The following MYH3 variants were observed in gnomAD, a reference collection of about 807,000 sequenced individuals.
The protein encoded by MYH3 is myosin heavy chain 3, also known as myosin-3.
In MYH3, 130 loss-of-function variants were observed where a neutral mutation model predicts 238.0. The observed-to-expected ratio is 0.55, with a 90% CI of 0.47 to 0.63. The LOEUF (loss-of-function observed/expected upper bound fraction) is 0.63. Ranked by LOEUF, MYH3 falls within the 30% of genes least tolerant of loss-of-function variation. The pLI is 0.00. For missense variants in MYH3, 1,853 were observed against 2,374.9 expected (o/e 0.78, Z 4.57); for synonymous variants, 880 against 924.1 (o/e 0.95, Z 0.86).
chr17:10,670,716 T>C, the MYH3 span, among the ~76,000 whole-genome samples: 1 of 108,134 alleles, frequency 9.2e-6, no homozygotes, highest in Non-Finnish European at 2.3e-5. This position sits in a 1 kb window ranked among gnomAD's most constrained non-coding sequence, Gnocchi z 7.0. Flanking sequence ...CTGTTAAGGT[T>C]TGGGTATTTT....
At chr17:10,671,601 CAG>C in the MYH3 span, among the ~76,000 whole-genome samples, 1 of 109,426 alleles carries the variant, frequency 9.1e-6, no homozygotes, top group African/African-American at 3.6e-5. Context: ...TTTTTTGAGA[CAG>C]AGTCTAGCTC....
Position 10,635,560 on chromosome 17 carries a change from T to G in MYH3, c.3979A>C (p.Lys1327Gln), listed in dbSNP as rs201970799. 3 of 1,614,246 alleles carry G rather than the reference T, an allele frequency of 1.9e-6. No individual in the cohort carries two copies. The highest frequency in any genetic ancestry group is 2.5e-6 in the Non-Finnish European group (3 of 1,180,048). The change falls in exon 30 of 41, where the codon AAG becomes CAG. Residue 1327 changes from lysine (K) to glutamine (Q), a missense_variant. Around this residue, in one of 3 missense-constraint regions of MYH3, gnomAD observed 1,044 missense variants for 1,192.6 expected, o/e 0.88. Coordinates refer to ENST00000583535, the MANE Select transcript of MYH3 (RefSeq NM_002470.4). ...TGCAGGGCGTGCGCCAGGGCGTTCT[T>G]GGCCTGCAGAAGTTAAAAAGAGAAG... ...KRQLEEENKA[K>Q]NALAHALQSS...
chr17:10,659,426 A>C (rs774537177), upstream of MYH3, among the ~76,000 whole-genome samples: 1 of 152,208 alleles, frequency 6.6e-6, no homozygotes, highest in Non-Finnish European at 1.5e-5. Context: ...ACAGACTCCT[A>C]GAGTGTTCAG....
Position 10,631,750 on chromosome 17 carries a change from A to G in MYH3, c.5161-14T>C. 1 of 1,614,026 alleles carries G rather than the reference A, an allele frequency of 6.2e-7. No individual in the cohort carries two copies. The highest frequency in any genetic ancestry group is 8.5e-7 in the Non-Finnish European group (1 of 1,180,000). On this transcript the variant is annotated splice_polypyrimidine_tract_variant and intron_variant, in intron 35 of 40. Transcript: ENST00000583535. ...GAGGCTGGTGTTCTAGGGCAAGAGGAGGGCTGTTAACCAGGTGCGTATGAG... is the reference window on the plus strand; with the variant it reads ...GAGGCTGGTGTTCTAGGGCAAGAGGGGGGCTGTTAACCAGGTGCGTATGAG...
At chr17:10,657,645 G>T (rs757952298), upstream of MYH3, among the ~76,000 whole-genome samples, 1 of 152,168 alleles carries the variant, frequency 6.6e-6, no homozygotes, top group East Asian at 1.9e-4. Context: ...TGAACGCGGC[G>T]TGAGCCCCTA....
chr17:10,643,565 G>A (rs1009948493), intron 14 of MYH3, among the ~76,000 whole-genome samples: 2 of 151,860 alleles, frequency 1.3e-5, no homozygotes, highest in Non-Finnish European at 2.9e-5. Flanking sequence ...TAGTAGAGAC[G>A]GGGTTTCACC....
At position 10,655,091 on chromosome 17, in the gene MYH3, C is replaced by G. The variant is rs369655115; in HGVS notation, c.-8-19G>C. The G allele has an allele frequency of 1.1e-5, 17 of 1,607,086 alleles. No individual in the cohort carries two copies. In the South Asian group the frequency reaches 1.9e-4, roughly 18 times the overall value. On this transcript the variant is annotated intron_variant, in intron 2 of 40. Transcript: ENST00000583535. Reference sequence around the variant, plus strand: ...GTGTCAGCTGGAAGGCAAACCCACCCGGTGAGCTCAGCAGCCCCCTTGCCA... The same window carrying G: ...GTGTCAGCTGGAAGGCAAACCCACCGGGTGAGCTCAGCAGCCCCCTTGCCA...
chr17:10,673,889 C>T, the MYH3 span: 1 of 152,128 alleles, frequency 6.6e-6, no homozygotes. Flanking sequence ...AAAAGTGGGG[C>T]AATTAAATAA....
At position 10,633,632 on chromosome 17, in the gene MYH3, G is replaced by A. The variant is rs774513052; in HGVS notation, c.4606C>T (p.Leu1536=). ...GCCAGCTGGATATCAGCCTTTTCCA[G>A]CTCAATCTGCTTTCTTGATTTCTCC... ...ELEKSRKQIE[L]EKADIQLALE... Residue 1536 remains leucine (L), a synonymous_variant, in exon 33 of 41, where the codon CTG becomes TTG. Coordinates refer to ENST00000583535, the MANE Select transcript of MYH3 (RefSeq NM_002470.4). The A allele has an allele frequency of 1.2e-6, 2 of 1,613,814 alleles. No homozygotes were observed. Among genetic ancestry groups the A allele is most frequent in the East Asian group, 2.2e-5 (1 of 44,884 alleles).
At chr17:10,633,800 C>T in intron 32 of MYH3, 85 bp from the exon 33 acceptor site, 1 of 1,574,622 alleles carries the variant, frequency 6.4e-7, no homozygotes, top group South Asian at 1.1e-5. Flanking sequence ...TGCTTTTTAC[C>T]TGGTTTATTA....
At position 10,651,607 on chromosome 17, in the gene MYH3, G is replaced by A; in HGVS notation, c.410C>T (p.Pro137Leu). ...GCCTCGGTAGCCTTCCACCACCTCG[G>A]GGTTGTACACCGGCAGCCACTTGTA... ...NPYKWLPVYN[P>L]EVVEGYRGKK... Residue 137 changes from proline (P) to leucine (L), a missense_variant, in exon 5 of 41, where the codon CCC (proline) becomes CTC (leucine). Coordinates refer to ENST00000583535, the MANE Select transcript of MYH3 (RefSeq NM_002470.4). 6.2e-7 allele frequency: 1 copy of A among 1,614,132 alleles called. No individual in the cohort carries two copies. Among genetic ancestry groups the A allele is most frequent in the Non-Finnish European group, 8.5e-7 (1 of 1,180,008 alleles).
rs199942147 is a variant in MYH3, at chr17:10,631,810, C to T, written c.5160+3G>A. 176 of 1,614,044 alleles carry T rather than the reference C, an allele frequency of 1.1e-4. No individual in the cohort carries two copies. Among genetic ancestry groups the T allele is most frequent in the Non-Finnish European group, 8.4e-5 (99 of 1,180,038 alleles). ...TCGCCTCTCTTCCTCTCCCTCCCCT[C>T]ACCTGGGTATGCAGCAGCTGCACCC... On this transcript the variant is annotated splice_donor_region_variant and intron_variant, in intron 35 of 40. Coordinates refer to ENST00000583535, the MANE Select transcript of MYH3 (RefSeq NM_002470.4).
At chr17:10,636,872 C>A (rs1272358054) in intron 28 of MYH3, among the ~76,000 whole-genome samples, 2 of 150,950 alleles carry the variant, frequency 1.3e-5, no homozygotes, top group Non-Finnish European at 3.0e-5. Flanking sequence ...CGAGATCACA[C>A]AATTGCACTC....
intron 17 of MYH3, among the ~76,000 whole-genome samples, chr17:10,641,901 C>T (rs1024679749): frequency 3.9e-5 from 6 of 152,116 alleles, no homozygotes; most frequent in African/African-American, 1.4e-4. Context: ...GCCAGAGGCT[C>T]GCCAAGTACA....
chr17:10,640,979 T>C, intron 19 of MYH3, 106 bp downstream of exon 19: 1 of 984,032 alleles, frequency 1.0e-6, no homozygotes, highest in Non-Finnish European at 1.7e-6. Context: ...TGGAGGTCCA[T>C]ATCTGTTCTT....
chr17:10,635,755 G>A lies in MYH3; in HGVS notation c.3955C>T (p.Gln1319Ter). Residue 1319 changes from glutamine to a stop codon, truncating the protein, a stop_gained, in exon 29 of 41, where the codon CAG becomes TAG. Coordinates refer to ENST00000583535, the MANE Select transcript of MYH3 (RefSeq NM_002470.4). LOFTEE classifies it high-confidence loss of function. Reference protein sequence around the residue: ...FTQQTEELKRQLEEENKAKNA... With the variant: ...FTQQTEELKR ...TGTACCTTGTTCTCTTCCTCCAGCT[G>A]CCTCTTGAGCTCTTCTGTTTGCTGG... 6.2e-7 allele frequency: 1 copy of A among 1,614,050 alleles called. No homozygotes were observed. The highest frequency in any genetic ancestry group is 8.5e-7 in the Non-Finnish European group (1 of 1,179,928).
intron 19 of MYH3, 55 bp from the exon 20 acceptor site, chr17:10,640,741 G>C (rs757855917): frequency 9.7e-5 from 155 of 1,594,966 alleles, no homozygotes; most frequent in Middle Eastern, 1.9e-4. Flanking sequence ...ACAAACCTTG[G>C]AGAACATGTA....
rs779356298 is a variant in MYH3 at position 10,642,331 on chromosome 17, C to A, written c.1889-21G>T. 12 of 1,613,848 alleles carry A rather than the reference C, an allele frequency of 7.4e-6. No individual in the cohort carries two copies. Among genetic ancestry groups the A allele is most frequent in the Non-Finnish European group, 9.3e-6 (11 of 1,179,876 alleles). The stretch of plus-strand genomic sequence containing the variant: ...GTCAGCTGAAAGCAATAAGGGAGGG[C>A]ACGTGCTGTAGGTGAATCTAAAAGG... On this transcript the variant is annotated intron_variant, in intron 16 of 40. Transcript: ENST00000583535. The surrounding 1 kb of genome is among the most constrained non-coding windows in gnomAD (Gnocchi z 5.4).
In MYH3 at chr17:10,654,283, C is replaced by T. The variant is rs2074407544; in HGVS notation, c.204+578G>A. Among the ~76,000 whole-genome samples, 1 of 150,260 alleles carries T rather than the reference C, an allele frequency of 6.7e-6. No homozygotes were observed. Among genetic ancestry groups the T allele is most frequent in the Non-Finnish European group, 1.5e-5 (1 of 67,862 alleles). ...CTTTTTACTTTTCTTGGGACTTTTC[C>T]AGATTCTCCTGATGTGGATTTTAGA... On this transcript the variant is annotated intron_variant, in intron 3 of 40. Coordinates refer to ENST00000583535, the MANE Select transcript of MYH3 (RefSeq NM_002470.4). This position sits in a 1 kb window ranked among gnomAD's most constrained non-coding sequence, Gnocchi z 4.5.
Sources: gnomAD v4.1 joint callset for allele counts (sites outside exome capture counted in the v4.1 genomes callset) on GRCh38, gnomAD v4.1.1 for gene constraint, gnomAD v4.1.1 regional missense constraint, Gnocchi (gnomAD v3.1) non-coding constraint, MANE v1.5 for transcripts, NCBI Gene and HGNC (gene_info 2026-07-23, HGNC 2026-07-21) for gene names.